The following LGALS9B variants were observed in gnomAD, a reference collection of about 807,000 sequenced individuals.
LGALS9B encodes the protein galectin-9B.
Under a neutral mutation model 35.9 loss-of-function variants are expected in LGALS9B, and 8 were observed. That is an observed-to-expected ratio of 0.22 (90% confidence interval 0.13 to 0.40). LGALS9B has a LOEUF of 0.40. Among genes scored for constraint, LGALS9B ranks in the 10% least tolerant of loss-of-function variants. LGALS9B has a pLI of 1.00. For synonymous variants in LGALS9B, 42 were observed against 148.6 expected (o/e 0.28, Z 5.22); for missense variants, 101 against 397.9 (o/e 0.25, Z 6.35).
At chr17:20,457,168 C>T (rs2042693876) in intron 3 of LGALS9B, among the ~76,000 whole-genome samples, 1 of 37,842 alleles carries the variant, frequency 2.6e-5, no homozygotes, top group African/African-American at 6.9e-5. Context: ...GACGGGATTT[C>T]ACCATGTTGG....
intron 8 of LGALS9B, chr17:20,452,089 T>TGA (rs2042653789): frequency 1.9e-6 from 1 of 534,444 alleles, no homozygotes; most frequent in Non-Finnish European, 3.5e-6. Context: ...AAAGGAAATT[T>TGA]GGCCAAACAC....
intron 8 of LGALS9B, 71 bp from the exon 9 acceptor site, chr17:20,451,954 A>G (rs1200702953): frequency 1.5e-6 from 2 of 1,350,596 alleles, no homozygotes; most frequent in Admixed American, 3.9e-5. Flanking sequence ...GGAAGATTGT[A>G]CCATTTCCCA....
chr17:20,461,524 G>A (rs1263409406), intron 1 of LGALS9B, among the ~76,000 whole-genome samples: 6 of 147,538 alleles, frequency 4.1e-5, no homozygotes, highest in African/African-American at 1.0e-4. Flanking sequence ...TCTATCTCAT[G>A]GCTGATTTTC....
chr17:20,458,532 G>A, intron 2 of LGALS9B, 148 bp from the exon 3 acceptor site: 4 of 1,472,094 alleles, frequency 2.7e-6, no homozygotes, highest in Non-Finnish European at 2.8e-6. Context: ...CATCGTTTTT[G>A]TTTCTCTAAT....
chr17:20,466,160 C>T (rs1040031666), intron 1 of LGALS9B, among the ~76,000 whole-genome samples: 9 of 152,000 alleles, frequency 5.9e-5, no homozygotes, highest in Admixed American at 1.3e-4. Context: ...CTAAGGCTCG[C>T]CCAACACCGG....
intron 2 of LGALS9B, among the ~76,000 whole-genome samples, chr17:20,458,949 GAT>G (rs111262600): frequency 6.8e-6 from 1 of 146,438 alleles, no homozygotes; most frequent in Non-Finnish European, 1.5e-5. Flanking sequence ...AAAACAAAAA[GAT>G]ATATATATAT....
chr17:20,460,341 T>C lies in LGALS9B; in HGVS notation c.131+11A>G, dbSNP rs138121357. 1.3e-3 allele frequency: 2,081 copies of C among 1,599,864 alleles called. 2 individuals are homozygous for C. In the African/African-American group the frequency reaches 0.021, roughly 16 times the overall value. On this transcript the variant is annotated intron_variant, in intron 2 of 10. Coordinates refer to ENST00000423676, the MANE Select transcript of LGALS9B (RefSeq NM_001367292.2). ...GGCTGGAGTGAAACGTTTCCATCCA[T>C]ATACACACACCTGGTTCCACTGGAG...
intron 5 of LGALS9B, among the ~76,000 whole-genome samples, chr17:20,454,521 A>T (rs575403767): frequency 6.6e-6 from 1 of 151,648 alleles, no homozygotes; most frequent in Admixed American, 6.6e-5. Context: ...CTGGGGCCTC[A>T]TGGGCATAGG....
chr17:20,453,607 G>A lies in LGALS9B; in HGVS notation c.541C>T (p.Pro181Ser). The change falls in exon 6 of 11, where the codon CCT becomes TCT. Residue 181 changes from proline to serine, a missense_variant and splice_region_variant. Physicochemically the swap from Pro to Ser is moderately conservative, Grantham distance 74. Coordinates refer to ENST00000423676, the MANE Select transcript of LGALS9B (RefSeq NM_001367292.2). ...PPRPRGRRQK[P>S]PSVRPANPAP... is the part of the protein sequence containing the mutation. ...GGGTTGGCAGGCCGCACGCTGGGAG[G>A]CTGGAGGGGTGAGGAGAGTCAGAAC... is the stretch of plus-strand genomic sequence containing the variant. The A allele has an allele frequency of 2.7e-6, 1 of 377,070 alleles. No individual in the cohort carries two copies. Among genetic ancestry groups the A allele is most frequent in the South Asian group, 2.2e-5 (1 of 46,286 alleles). 23.4% of individuals were successfully genotyped at this position (377,070 alleles called of 1,614,324 possible).
chr17:20,457,355 T>G (rs1384181989), intron 3 of LGALS9B: 1 of 117,986 alleles, frequency 8.5e-6, no homozygotes. Context: ...CACGGTGTTT[T>G]GCTGCACAGA....
intron 3 of LGALS9B, chr17:20,457,431 C>G (rs4924884): frequency 0.11 from 13,892 of 124,782 alleles, 799 homozygotes; most frequent in Non-Finnish European, 0.12. Context: ...TCTCCGTCCC[C>G]GACCAGGCCC....
chr17:20,451,184 T>C (rs2042645586), intron 10 of LGALS9B, among the ~76,000 whole-genome samples: 1 of 150,252 alleles, frequency 6.7e-6, no homozygotes, highest in South Asian at 2.1e-4. Context: ...AGTGAAGAAA[T>C]GAATAACACC....
At chr17:20,458,520 G>A in intron 2 of LGALS9B, 136 bp from the exon 3 acceptor site, 1 of 1,499,048 alleles carries the variant, frequency 6.7e-7, no homozygotes, top group Non-Finnish European at 9.1e-7. Flanking sequence ...CTGCTTGGTT[G>A]GCATCGTTTT....
intron 1 of LGALS9B, among the ~76,000 whole-genome samples, chr17:20,465,810 T>C (rs1343290052): frequency 6.9e-6 from 1 of 145,352 alleles, no homozygotes; most frequent in Non-Finnish European, 1.5e-5. Context: ...CTTCCCCCAC[T>C]GTCGGCATGT....
In LGALS9B at chr17:20,460,442, GC is replaced by G; in HGVS notation, c.40del (p.Ala14ProfsTer99). Reference sequence around the variant, plus strand: ...TTGGATAGTCCCAGAAAAGGGGACGGCCTGCAGGGAGAAGACATGGGGCCTC... The same window carrying G: ...TTGGATAGTCCCAGAAAAGGGGACGGCTGCAGGGAGAAGACATGGGGCCTC... Reference protein sequence around the residue: ...SGSQAPYLSPAVPFSGTIQGG... With the variant: ...SGSQAPYLSPXVPFSGTIQGG... On this transcript the variant is annotated frameshift_variant and splice_region_variant, in exon 2 of 11. Coordinates refer to ENST00000423676, the MANE Select transcript of LGALS9B (RefSeq NM_001367292.2). LOFTEE classifies it high-confidence loss of function. 1 of 1,601,040 alleles carries G rather than the reference GC, an allele frequency of 6.2e-7. No homozygotes were observed. Among genetic ancestry groups the G allele is most frequent in the Non-Finnish European group, 8.5e-7 (1 of 1,173,102 alleles).
At position 20,460,382 on chromosome 17, in the gene LGALS9B, T is replaced by G; in HGVS notation, c.101A>C (p.Asn34Thr). Residue 34 changes from asparagine (N) to threonine (T), a missense_variant, in exon 2 of 11, where the codon AAT becomes ACT. Asn to Thr is a moderately conservative substitution (Grantham distance 65, BLOSUM62 0). Coordinates refer to ENST00000423676, the MANE Select transcript of LGALS9B (RefSeq NM_001367292.2). ...GLQDGFQITV[N>T]GAVLSSSGTR... The stretch of plus-strand genomic sequence containing the variant: ...TCCACTGGAGCTGAGAACGGCCCCA[T>G]TGACAGTGATCTGAAATCCGTCCTG... 2 of 1,601,512 alleles carry G rather than the reference T, an allele frequency of 1.2e-6. No individual in the cohort carries two copies. The highest frequency in any genetic ancestry group is 2.2e-5 in the South Asian group (2 of 90,994).
rs911247840 is a variant in LGALS9B at position 20,451,644 on chromosome 17, C to A, written c.762-1G>T. The A allele has an allele frequency of 1.3e-6, 2 of 1,599,670 alleles. No homozygotes were observed. Among genetic ancestry groups the A allele is most frequent in the African/African-American group, 2.7e-5 (2 of 72,974 alleles). ...CCCAGAGCACAGGTTGATGTGGAAC[C>A]TGCGGTGGGCAGCCTACCTGGACCT... On this transcript the variant is annotated splice_acceptor_variant, in intron 9 of 10. Transcript: ENST00000423676. LOFTEE classifies it high-confidence loss of function.
At position 20,455,372 on chromosome 17, in the gene LGALS9B, A is replaced by G; in HGVS notation, c.471T>C (p.Pro157=). Residue 157 remains proline (P), a synonymous_variant, in exon 5 of 11, where the codon CCT becomes CCC. Coordinates refer to ENST00000423676, the MANE Select transcript of LGALS9B (RefSeq NM_001367292.2). ...GGGAGAACGGCACCGTGGAGAAGGCAGGCTGAACGGGGACTGTGCGGGGAT... is the reference window on the plus strand; with the variant it reads ...GGGAGAACGGCACCGTGGAGAAGGCGGGCTGAACGGGGACTGTGCGGGGAT... The part of the protein sequence containing the change: ...FQNPRTVPVQ[P]AFSTVPFSQP... 2.2e-6 allele frequency: 3 copies of G among 1,356,524 alleles called. 1 individual carries two copies. The highest frequency in any genetic ancestry group is 3.1e-6 in the Non-Finnish European group (3 of 970,222). 84.0% of individuals were successfully genotyped at this position (1,356,524 alleles called of 1,614,324 possible). A position where few individuals can be genotyped will look rare whatever the true frequency, so the allele number is the denominator to read the frequency against.
At chr17:20,464,178 G>A (rs1415460655) in intron 1 of LGALS9B, among the ~76,000 whole-genome samples, 1 of 146,124 alleles carries the variant, frequency 6.8e-6, no homozygotes, top group African/African-American at 2.6e-5. Flanking sequence ...GCTCACTGCA[G>A]CCTCCACTTC....
Sources: gnomAD v4.1 joint callset for allele counts (sites outside exome capture counted in the v4.1 genomes callset) on GRCh38, gnomAD v4.1.1 for gene constraint, MANE v1.5 for transcripts, NCBI Gene and HGNC (gene_info 2026-07-23, HGNC 2026-07-21) for gene names.